Variants in PARD3B observed in about 807,000 individuals in gnomAD.
The protein encoded by PARD3B is partitioning defective 3 homolog B.
Under a neutral mutation model 130.2 loss-of-function variants are expected in PARD3B, and 103 were observed. That is an observed-to-expected ratio of 0.79 (90% confidence interval 0.67 to 0.93). The LOEUF (loss-of-function observed/expected upper bound fraction) is 0.93. Ranked by LOEUF, PARD3B falls within the 40% of genes least tolerant of loss-of-function variation. PARD3B has a pLI of 0.00. For synonymous variants in PARD3B, 583 were observed against 553.2 expected, an observed-to-expected ratio of 1.05 and a Z score of -0.76; for missense variants, 1,609 against 1,499.2, an observed-to-expected ratio of 1.07 and a Z score of -1.21.
chr2:205,036,979 T>C (rs1697984042), intron 3 of PARD3B, among the ~76,000 whole-genome samples: 1 of 149,660 alleles, frequency 6.7e-6, no homozygotes, highest in Non-Finnish European at 1.5e-5. Context: ...ACTGTATATA[T>C]AAAAAACATA....
intron 2 of PARD3B, among the ~76,000 whole-genome samples, chr2:204,924,669 A>G (rs1687445634): frequency 6.6e-6 from 1 of 152,066 alleles, no homozygotes; most frequent in South Asian, 2.1e-4. Flanking sequence ...AATGCTGAAT[A>G]TTAGAAAATG....
rs889310235 is a variant in PARD3B at position 205,230,177 on chromosome 2, C to A, written c.2141-15601C>A. Among the ~76,000 whole-genome samples, 3 of 151,866 alleles carry A rather than the reference C, an allele frequency of 2.0e-5. No homozygotes were observed. Among genetic ancestry groups the A allele is most frequent in the African/African-American group, 7.3e-5 (3 of 41,324 alleles). The stretch of plus-strand genomic sequence containing the variant: ...TGGTACCTAAGGTGCAAGACCAAGT[C>A]CCTCTCCTTTTCTCAAGCAGGAGAC... On this transcript the variant is annotated intron_variant, in intron 15 of 22. Coordinates refer to ENST00000406610, the MANE Select transcript of PARD3B (RefSeq NM_001302769.2). This position sits in a 1 kb window ranked among gnomAD's most constrained non-coding sequence, Gnocchi z 4.1.
In PARD3B at chr2:205,300,006, A is replaced by C. The variant is rs1469537260; in HGVS notation, c.2186-524A>C. ...TCAATGTTCTTTTATTTCCATGCCC[A>C]GTATGTTCCTTACTAATCATATGAG... is the stretch of plus-strand genomic sequence containing the variant. On this transcript the variant is annotated intron_variant, in intron 16 of 22. Coordinates refer to ENST00000406610, the MANE Select transcript of PARD3B (RefSeq NM_001302769.2). This position sits in a 1 kb window ranked among gnomAD's most constrained non-coding sequence, Gnocchi z 4.1. 6.6e-6 allele frequency among the ~76,000 whole-genome samples: 1 copy of C among 152,232 alleles called. No homozygotes were observed. Among genetic ancestry groups the C allele is most frequent in the Admixed American group, 6.5e-5 (1 of 15,280 alleles).
At chr2:205,443,899 G>A (rs1009286855) in intron 20 of PARD3B, among the ~76,000 whole-genome samples, 19 of 152,202 alleles carry the variant, frequency 1.2e-4, no homozygotes, top group African/African-American at 4.3e-4. Flanking sequence ...CACTTTGGGA[G>A]TCCGGGGTAA....
At chr2:205,143,979 G>T (rs2033166121) in intron 10 of PARD3B, among the ~76,000 whole-genome samples, 1 of 152,084 alleles carries the variant, frequency 6.6e-6, no homozygotes, top group Non-Finnish European at 1.5e-5. Flanking sequence ...CCTAAAAATG[G>T]CATCCAGTTG....
chr2:205,596,154 C>A (rs1183395705), intron 22 of PARD3B, among the ~76,000 whole-genome samples: 2 of 152,102 alleles, frequency 1.3e-5, no homozygotes, highest in African/African-American at 4.8e-5. Flanking sequence ...TTTGTAATTA[C>A]ATTAATAACC....
At chr2:204,571,974 A>G (rs1025634856) in intron 1 of PARD3B, among the ~76,000 whole-genome samples, 4 of 152,180 alleles carry the variant, frequency 2.6e-5, no homozygotes, top group Non-Finnish European at 5.9e-5. Context: ...GTAGGAGTGG[A>G]TTCATAACCG....
chr2:205,602,642 C>A (rs912005329), intron 22 of PARD3B, among the ~76,000 whole-genome samples: 6 of 152,240 alleles, frequency 3.9e-5, no homozygotes, highest in South Asian at 2.1e-4. Context: ...TCTAAATTTT[C>A]TAGTTTATTT....
chr2:205,228,130 G>A (rs538570798), intron 15 of PARD3B, among the ~76,000 whole-genome samples: 2 of 152,246 alleles, frequency 1.3e-5, no homozygotes, highest in African/African-American at 4.8e-5. Flanking sequence ...GGTAAGAGTA[G>A]TTTACATGGC....
In PARD3B at chr2:205,158,946, A is replaced by G. The variant is rs753958062; in HGVS notation, c.1620+39A>G. 2 of 1,601,228 alleles carry G rather than the reference A, an allele frequency of 1.2e-6. No individual in the cohort carries two copies. Among genetic ancestry groups the G allele is most frequent in the Non-Finnish European group, 8.5e-7 (1 of 1,170,640 alleles). On this transcript the variant is annotated intron_variant, in intron 11 of 22. Coordinates refer to ENST00000406610, the MANE Select transcript of PARD3B (RefSeq NM_001302769.2). The surrounding 1 kb of genome is among the most constrained non-coding windows in gnomAD (Gnocchi z 5.4). ...ACATTTGTACATCCTTTGAGAAGGC[A>G]CTTGGAGATGTGACTGTTGTACTTA...
intron 2 of PARD3B, among the ~76,000 whole-genome samples, chr2:204,952,056 A>G (rs1261156860): frequency 1.3e-5 from 2 of 152,172 alleles, no homozygotes; most frequent in Non-Finnish European, 2.9e-5. Context: ...TCTGGGGAAT[A>G]AAAAAAGTAA....
intron 15 of PARD3B, among the ~76,000 whole-genome samples, chr2:205,233,710 C>T (rs1009972000): frequency 2.0e-5 from 3 of 152,052 alleles, no homozygotes; most frequent in African/African-American, 7.2e-5. Flanking sequence ...ATAGTTTAGC[C>T]TAGCCTGCCT....
intron 2 of PARD3B, among the ~76,000 whole-genome samples, chr2:204,796,764 G>A (rs748657565): frequency 2.6e-5 from 4 of 152,146 alleles, no homozygotes; most frequent in African/African-American, 7.2e-5. Flanking sequence ...TACTTACGTC[G>A]TTGGTTTTCA....
intron 20 of PARD3B, among the ~76,000 whole-genome samples, chr2:205,496,100 A>G (rs1437834397): frequency 3.3e-5 from 5 of 152,190 alleles, no homozygotes; most frequent in Non-Finnish European, 7.3e-5. Context: ...TATATTTGCT[A>G]TATAAGTGTT....
chr2:204,595,223 A>G (rs936983838), intron 1 of PARD3B, among the ~76,000 whole-genome samples: 2 of 152,212 alleles, frequency 1.3e-5, no homozygotes, highest in African/African-American at 4.8e-5. Flanking sequence ...AGGAGAGCAA[A>G]GTCTACTCCA....
chr2:205,221,771 C>G (rs915793430), intron 15 of PARD3B, among the ~76,000 whole-genome samples: 9 of 152,248 alleles, frequency 5.9e-5, no homozygotes, highest in African/African-American at 2.2e-4. Flanking sequence ...TTATTTTTCC[C>G]TTTTCCCCTG....
At chr2:205,036,210 A>T (rs1697860044) in intron 3 of PARD3B, among the ~76,000 whole-genome samples, 1 of 146,656 alleles carries the variant, frequency 6.8e-6, no homozygotes, top group African/African-American at 2.5e-5. Flanking sequence ...TGGACTATAT[A>T]TATAAAATAT....
rs1315899787 is a variant in PARD3B, at chr2:205,109,580, G to T, written c.594-3911G>T. On this transcript the variant is annotated intron_variant, in intron 5 of 22. Transcript: ENST00000406610. ...TTTGTAAATACCAGATGTGGTATGT[G>T]TAACATATATGTGTTATGATCTTTA... Among the ~76,000 whole-genome samples, 2 of 150,636 alleles carry T rather than the reference G, an allele frequency of 1.3e-5. 1 individual carries two copies. The highest frequency in any genetic ancestry group is 1.3e-4 in the Admixed American group (2 of 15,118).
At position 204,653,369 on chromosome 2, in the gene PARD3B, A is replaced by G. The variant is rs533845320; in HGVS notation, c.121-32812A>G. Among the ~76,000 whole-genome samples, 58 of 151,300 alleles carry G rather than the reference A, an allele frequency of 3.8e-4. 1 individual carries two copies. The South Asian group carries it at 0.012, about 31-fold the overall frequency. On this transcript the variant is annotated intron_variant, in intron 1 of 22. Coordinates refer to ENST00000406610, the MANE Select transcript of PARD3B (RefSeq NM_001302769.2). ...GATATACTTTTAAAACGTTAAAGTA[A>G]CTTTTCACTTGTAAATACAATGTGT...
Sources: gnomAD v4.1 joint callset for allele counts (sites outside exome capture counted in the v4.1 genomes callset) on GRCh38, gnomAD v4.1.1 for gene constraint, Gnocchi (gnomAD v3.1) non-coding constraint, MANE v1.5 for transcripts, NCBI Gene and HGNC (gene_info 2026-07-23, HGNC 2026-07-21) for gene names.